The following PRRG1 variants were observed in gnomAD, a reference collection of about 807,000 sequenced individuals.
The protein encoded by PRRG1 is transmembrane gamma-carboxyglutamic acid protein 1.
In PRRG1, 5 loss-of-function variants were observed where a neutral mutation model predicts 11.8. The ratio of observed to expected loss-of-function variants is 0.42; its 90% CI spans 0.22 to 0.89. The LOEUF is 0.89. Ranked by LOEUF, PRRG1 falls within the 40% of genes least tolerant of loss-of-function variation. The probability of loss-of-function intolerance (pLI) is 0.28; values close to 1 mark genes in which losing one functional copy is unlikely to be tolerated. For synonymous variants in PRRG1, 66 were observed against 60.4 expected (o/e 1.09, Z -0.43); for missense variants, 155 against 166.1 (o/e 0.93, Z 0.37).
At chrX:37,350,796 A>G (rs1434058594) in intron 1 of PRRG1, among the ~76,000 whole-genome samples, 1 of 111,346 alleles carries the variant, frequency 9.0e-6, no homozygotes, top group Non-Finnish European at 1.9e-5. Context: ...TAAAAACACA[A>G]TTACCCCGCC....
chrX:37,432,363 G>A (rs1411232556), intron 3 of PRRG1, among the ~76,000 whole-genome samples: 1 of 112,044 alleles, frequency 8.9e-6, no homozygotes, highest in African/African-American at 3.2e-5. Context: ...TGGGATTACA[G>A]GCGTGAGCCA....
chrX:37,408,100 G>T (rs782305542), intron 2 of PRRG1, among the ~76,000 whole-genome samples: 2 of 111,818 alleles, frequency 1.8e-5, no homozygotes, highest in Non-Finnish European at 3.8e-5. Context: ...ACTAATCTGT[G>T]CCACGTCCTG....
At chrX:37,450,366 C>T (rs1400099876) in intron 3 of PRRG1, among the ~76,000 whole-genome samples, 1 of 108,550 alleles carries the variant, frequency 9.2e-6, no homozygotes, top group African/African-American at 3.5e-5. Flanking sequence ...AAGTTACTAC[C>T]TGTAAAATTA....
At chrX:37,404,670 A>G (rs1351469730) in intron 1 of PRRG1, among the ~76,000 whole-genome samples, 1 of 111,258 alleles carries the variant, frequency 9.0e-6, no homozygotes, top group East Asian at 2.8e-4. Context: ...TTCTGCCTGA[A>G]GAGTTCCACC....
At chrX:37,406,335 CATAGT>C in intron 2 of PRRG1, 76 bp downstream of exon 2, 1 of 1,028,952 alleles carries the variant, frequency 9.7e-7, no homozygotes, top group Admixed American at 2.3e-5. Flanking sequence ...ATTTCTAACT[CATAGT>C]ATATTTGTGG....
intron 3 of PRRG1, among the ~76,000 whole-genome samples, chrX:37,439,393 A>T (rs1240587727): frequency 2.7e-5 from 3 of 112,183 alleles, no homozygotes; most frequent in African/African-American, 9.7e-5. Flanking sequence ...TCATCTTTTC[A>T]TGGAGTCCAC....
At chrX:37,424,470 T>C (rs781943626) in intron 2 of PRRG1, among the ~76,000 whole-genome samples, 4 of 111,794 alleles carry the variant, frequency 3.6e-5, no homozygotes, top group African/African-American at 1.3e-4. Flanking sequence ...AAAATTTTAC[T>C]GTTATTCTCC....
intron 3 of PRRG1, among the ~76,000 whole-genome samples, chrX:37,445,367 C>T (rs1933055485): frequency 8.9e-6 from 1 of 112,154 alleles, no homozygotes; most frequent in Non-Finnish European, 1.9e-5. Flanking sequence ...AATGCAAAAT[C>T]TCAAGCTCCA....
intron 1 of PRRG1, among the ~76,000 whole-genome samples, chrX:37,363,243 G>A (rs1242076136): frequency 8.9e-6 from 1 of 111,921 alleles, no homozygotes; most frequent in Non-Finnish European, 1.9e-5. Flanking sequence ...ATTACAGCAT[G>A]GAGCTTTTTT....
At chrX:37,424,727 A>T (rs1932753919) in intron 2 of PRRG1, among the ~76,000 whole-genome samples, 1 of 110,315 alleles carries the variant, frequency 9.1e-6, no homozygotes, top group African/African-American at 3.3e-5. Flanking sequence ...AGCTGGTGTC[A>T]ATTTGGATAC....
At chrX:37,377,065 G>A (rs1395600538) in intron 1 of PRRG1, among the ~76,000 whole-genome samples, 3 of 110,695 alleles carry the variant, frequency 2.7e-5, no homozygotes, top group Admixed American at 9.6e-5. Flanking sequence ...TGAACGTTTT[G>A]TTTATCTCGG....
intron 1 of PRRG1, among the ~76,000 whole-genome samples, chrX:37,364,754 C>T (rs1421072951): frequency 8.9e-6 from 1 of 112,146 alleles, no homozygotes; most frequent in East Asian, 2.8e-4. Context: ...GCTGTAGTTA[C>T]TGGACTTCAA....
At chrX:37,422,890 T>C in intron 2 of PRRG1, among the ~76,000 whole-genome samples, 1 of 111,806 alleles carries the variant, frequency 8.9e-6, no homozygotes, top group South Asian at 3.7e-4. Flanking sequence ...CATACAATTA[T>C]ATATATTGTA....
chrX:37,388,136 G>A (rs1556375690), intron 1 of PRRG1, among the ~76,000 whole-genome samples: 1 of 111,730 alleles, frequency 9.0e-6, no homozygotes, highest in Non-Finnish European at 1.9e-5. Flanking sequence ...CAAGGCCTTG[G>A]GCAGCTCCAC....
chrX:37,455,315 G>A lies in PRRG1; in HGVS notation c.*1694G>A, dbSNP rs1179866391. ...GGCTTTACAAGGATCAAATAAGATGGTGTGTATGTAAGAAATTTGTAAAAT... is the reference window on the plus strand; with the variant it reads ...GGCTTTACAAGGATCAAATAAGATGATGTGTATGTAAGAAATTTGTAAAAT... On this transcript the variant is annotated 3_prime_UTR_variant, in exon 4 of 4. Transcript: ENST00000378628. 1.8e-5 allele frequency: 2 copies of A among 112,316 alleles called. No homozygotes were observed. The highest frequency in any genetic ancestry group is 3.2e-5 in the African/African-American group (1 of 30,876). 9.3% of individuals were successfully genotyped at this position (112,316 alleles called of 1,213,427 possible). A position where few individuals can be genotyped will look rare whatever the true frequency, so the allele number is the denominator to read the frequency against.
intron 1 of PRRG1, among the ~76,000 whole-genome samples, chrX:37,358,018 A>G (rs782059488): frequency 9.0e-6 from 1 of 110,582 alleles, no homozygotes; most frequent in Non-Finnish European, 1.9e-5. Flanking sequence ...GGCTTTCCAT[A>G]TGTTTATTTG....
At chrX:37,442,098 G>T in intron 3 of PRRG1, 2 of 763,403 alleles carry the variant, frequency 2.6e-6, no homozygotes, top group South Asian at 6.5e-5. Flanking sequence ...CCACAGCCAC[G>T]GTGTGCCTTC....
intron 3 of PRRG1, among the ~76,000 whole-genome samples, chrX:37,426,577 G>T (rs927152100): frequency 2.5e-4 from 28 of 111,310 alleles, no homozygotes; most frequent in Middle Eastern, 9.2e-3. Context: ...TTCAGTCCTG[G>T]GCAGCAGGAA....
chrX:37,359,854 CTTTCAAGGAATTGGTCCA>C lies in PRRG1; in HGVS notation c.-42+10501_-42+10518del, dbSNP rs1298710440. Reference sequence around the variant, plus strand: ...TTGTGTGAATTTTGGCAGATTGTATCTTTCAAGGAATTGGTCCATTTCAAGGAATTGGTCCATTTCAAG... The same window carrying C: ...TTGTGTGAATTTTGGCAGATTGTATCTTTCAAGGAATTGGTCCATTTCAAG... On this transcript the variant is annotated intron_variant, in intron 1 of 3. Transcript: ENST00000378628. Among the ~76,000 whole-genome samples, 278 of 111,760 alleles carry C rather than the reference CTTTCAAGGAATTGGTCCA, an allele frequency of 2.5e-3. 2 individuals carry two copies. Among genetic ancestry groups the C allele is most frequent in the Non-Finnish European group, 4.4e-3 (235 of 53,014 alleles).
Sources: allele counts gnomAD v4.1 joint callset (sites outside exome capture counted in the v4.1 genomes callset), GRCh38; gene constraint gnomAD v4.1.1; transcripts MANE v1.5; gene names NCBI Gene and HGNC (gene_info 2026-07-23, HGNC 2026-07-21).